The following MAP3K4 variants were observed in gnomAD, a reference collection of about 807,000 sequenced individuals.
MAP3K4 encodes MAP three kinase 1.
Under a neutral mutation model 185.6 loss-of-function variants are expected in MAP3K4, and 67 were observed. That is an observed-to-expected ratio of 0.36 (90% CI 0.30 to 0.44). The LOEUF (loss-of-function observed/expected upper bound fraction) is 0.44. Among genes scored for constraint, MAP3K4 ranks in the 20% least tolerant of loss-of-function variants. The probability of loss-of-function intolerance (pLI) is 1.00; values close to 1 mark genes in which losing one functional copy is unlikely to be tolerated. For missense variants in MAP3K4, 1,551 were observed against 1,995.1 expected, an observed-to-expected ratio of 0.78 and a Z score of 4.24; for synonymous variants, 702 against 710.4, an observed-to-expected ratio of 0.99 and a Z score of 0.19.
At chr6:160,997,093 C>T (rs547377690) in intron 1 of MAP3K4, among the ~76,000 whole-genome samples, 1 of 152,172 alleles carries the variant, frequency 6.6e-6, no homozygotes, top group East Asian at 1.9e-4. Flanking sequence ...TATAACAAAC[C>T]TTGCTTTTCC....
intron 2 of MAP3K4, among the ~76,000 whole-genome samples, chr6:161,038,001 C>T (rs1783258505): frequency 6.6e-6 from 1 of 151,902 alleles, no homozygotes; most frequent in African/African-American, 2.4e-5. Flanking sequence ...TGTTGCCTGT[C>T]TTTCCTTCCT....
In MAP3K4 at chr6:161,107,892, T is replaced by C; in HGVS notation, c.4049-7T>C. On this transcript the variant is annotated splice_region_variant and splice_polypyrimidine_tract_variant and intron_variant, in intron 20 of 26. Transcript: ENST00000392142. The surrounding 1 kb of genome is among the most constrained non-coding windows in gnomAD (Gnocchi z 6.2). The stretch of plus-strand genomic sequence containing the variant: ...CTGGAAGTGCAGCTTGTTTGCATTG[T>C]TCACAGGAGAAGGCCAGTATGGGAA... 6.2e-7 allele frequency: 1 copy of C among 1,613,470 alleles called. No individual in the cohort carries two copies. Among genetic ancestry groups the C allele is most frequent in the East Asian group, 2.2e-5 (1 of 44,864 alleles).
chr6:161,098,478 T>A lies in MAP3K4; in HGVS notation c.3674+51T>A. ...TACCCTCACCACCCCTTACATGCGC[T>A]TACACAGCAACCATAGTGTTAGGGT... On this transcript the variant is annotated intron_variant, in intron 17 of 26. Transcript: ENST00000392142. This position sits in a 1 kb window ranked among gnomAD's most constrained non-coding sequence, Gnocchi z 4.4. The A allele has an allele frequency of 6.8e-7, 1 of 1,465,180 alleles. No homozygotes were observed. The highest frequency in any genetic ancestry group is 2.4e-5 in the East Asian group (1 of 42,502). 90.8% of individuals were successfully genotyped at this position (1,465,180 alleles called of 1,614,324 possible). A position where few individuals can be genotyped will look rare whatever the true frequency, so the allele number is the denominator to read the frequency against.
At position 161,003,209 on chromosome 6, in the gene MAP3K4, G is replaced by A. The variant is rs558082689; in HGVS notation, c.152+11126G>A. 4.7e-4 allele frequency among the ~76,000 whole-genome samples: 72 copies of A among 152,216 alleles called. 1 individual carries two copies. In the Middle Eastern group the frequency reaches 0.014, roughly 29 times the overall value. On this transcript the variant is annotated intron_variant, in intron 1 of 26. Transcript: ENST00000392142. ...GTGTTGCTATGTTTCTTTCTAGAAA[G>A]GTATTAAGTTATTCATACCAGTGTG... is the stretch of plus-strand genomic sequence containing the variant.
At position 161,007,430 on chromosome 6, in the gene MAP3K4, A is replaced by G. The variant is rs1223276640; in HGVS notation, c.152+15347A>G. On this transcript the variant is annotated intron_variant, in intron 1 of 26. Coordinates refer to ENST00000392142, the MANE Select transcript of MAP3K4 (RefSeq NM_005922.4). The surrounding 1 kb of genome is among the most constrained non-coding windows in gnomAD (Gnocchi z 4.5). ...TATGCAAGGACATGGTGGTCCTTTGAGGTTAGCCATTTCTTGGAACACAGA... is the reference window on the plus strand; with the variant it reads ...TATGCAAGGACATGGTGGTCCTTTGGGGTTAGCCATTTCTTGGAACACAGA... Among the ~76,000 whole-genome samples, 1 of 152,152 alleles carries G rather than the reference A, an allele frequency of 6.6e-6. No individual in the cohort carries two copies. The highest frequency in any genetic ancestry group is 1.5e-5 in the Non-Finnish European group (1 of 68,032).
rs1440442620 is a variant in MAP3K4 at position 160,992,033 on chromosome 6, G to A, written c.102G>A (p.Pro34=). The A allele has an allele frequency of 1.9e-6, 3 of 1,567,178 alleles. No homozygotes were observed. The highest frequency in any genetic ancestry group is 2.4e-5 in the East Asian group (1 of 41,256). The change falls in exon 1 of 27, where the codon CCG becomes CCA. Residue 34 remains proline, a synonymous_variant. Coordinates refer to ENST00000392142, the MANE Select transcript of MAP3K4 (RefSeq NM_005922.4). The part of the protein sequence containing the change: ...EPPPPPPPPP[P]PPEPETESEP... ...CGCCACCGCCGCCGCCGCCACCACC[G>A]CCACCGGAACCCGAGACCGAGTCAG...
intron 15 of MAP3K4, among the ~76,000 whole-genome samples, chr6:161,095,691 T>G (rs1777534961): frequency 6.6e-6 from 1 of 152,242 alleles, no homozygotes; most frequent in African/African-American, 2.4e-5. Flanking sequence ...CCGTCATGAA[T>G]GTACTGTAAT....
Position 161,096,923 on chromosome 6 carries a change from A to G in MAP3K4, c.3428-157A>G. Reference sequence around the variant, plus strand: ...TTTAAAAAGTGACATTTTCCATAATATTTGTATATGTAATATTATTTTTTA... The same window carrying G: ...TTTAAAAAGTGACATTTTCCATAATGTTTGTATATGTAATATTATTTTTTA... On this transcript the variant is annotated intron_variant, in intron 15 of 26. Coordinates refer to ENST00000392142, the MANE Select transcript of MAP3K4 (RefSeq NM_005922.4). The surrounding 1 kb of genome is among the most constrained non-coding windows in gnomAD (Gnocchi z 4.9). 1 of 540,340 alleles carries G rather than the reference A, an allele frequency of 1.9e-6. No homozygotes were observed. The highest frequency in any genetic ancestry group is 3.3e-6 in the Non-Finnish European group (1 of 300,318). 33.5% of individuals were successfully genotyped at this position (540,340 alleles called of 1,614,324 possible).
At chr6:161,003,628 T>C (rs1781435503) in intron 1 of MAP3K4, among the ~76,000 whole-genome samples, 1 of 152,166 alleles carries the variant, frequency 6.6e-6, no homozygotes. Context: ...GGCCTGTAGC[T>C]GATTGTAAGT....
At position 161,043,254 on chromosome 6, in the gene MAP3K4, G is replaced by A. The variant is rs1783569216; in HGVS notation, c.344-5362G>A. Among the ~76,000 whole-genome samples the A allele has an allele frequency of 6.6e-6, 1 of 152,114 alleles. No individual in the cohort carries two copies. Among genetic ancestry groups the A allele is most frequent in the Admixed American group, 6.5e-5 (1 of 15,274 alleles). On this transcript the variant is annotated intron_variant, in intron 2 of 26. Coordinates refer to ENST00000392142, the MANE Select transcript of MAP3K4 (RefSeq NM_005922.4). This position sits in a 1 kb window ranked among gnomAD's most constrained non-coding sequence, Gnocchi z 4.3. ...CTTCCATATACAGGCTCAGTGTTCAGCCACACTCTTTTCTTTGCTGCCCTT... is the reference window on the plus strand; with the variant it reads ...CTTCCATATACAGGCTCAGTGTTCAACCACACTCTTTTCTTTGCTGCCCTT...
chr6:161,088,220 T>A lies in MAP3K4; in HGVS notation c.2823+266T>A, dbSNP rs1785839561. ...TTCTTAGTTCAGTCATGTAGTTAGA[T>A]CTGTGGAGCTATGATCTAAAAGGAG... On this transcript the variant is annotated intron_variant, in intron 10 of 26. Transcript: ENST00000392142. The surrounding 1 kb of genome is among the most constrained non-coding windows in gnomAD (Gnocchi z 4.5). Among the ~76,000 whole-genome samples the A allele has an allele frequency of 6.6e-6, 1 of 152,198 alleles. No homozygotes were observed. The highest frequency in any genetic ancestry group is 6.5e-5 in the Admixed American group (1 of 15,282).
intron 1 of MAP3K4, among the ~76,000 whole-genome samples, chr6:160,998,211 C>T (rs891333496): frequency 6.6e-6 from 1 of 152,042 alleles, no homozygotes; most frequent in African/African-American, 2.4e-5. Context: ...CTATTTTTCT[C>T]CTGATTTGAT....
chr6:161,023,685 A>G (rs892166323), intron 1 of MAP3K4, among the ~76,000 whole-genome samples: 3 of 152,372 alleles, frequency 2.0e-5, no homozygotes, highest in Admixed American at 2.0e-4. Flanking sequence ...TTTAACAGGA[A>G]GGTCAAAAAT....
chr6:161,079,962 C>G (rs1785369105), intron 5 of MAP3K4, among the ~76,000 whole-genome samples: 2 of 152,128 alleles, frequency 1.3e-5, no homozygotes, highest in African/African-American at 4.8e-5. Context: ...AACACTGAAA[C>G]CTAGGATAGA....
chr6:160,997,271 A>C (rs1445857219), intron 1 of MAP3K4, among the ~76,000 whole-genome samples: 1 of 152,058 alleles, frequency 6.6e-6, no homozygotes, highest in Non-Finnish European at 1.5e-5. Context: ...ACCCCTCGCC[A>C]AGAATCCTTT....
intron 3 of MAP3K4, among the ~76,000 whole-genome samples, chr6:161,058,696 A>G (rs1784353910): frequency 6.6e-6 from 1 of 152,150 alleles, no homozygotes; most frequent in South Asian, 2.1e-4. Flanking sequence ...AATGCTATAC[A>G]TAATCCTACT....
chr6:161,019,941 G>T (rs1221821025), intron 1 of MAP3K4, among the ~76,000 whole-genome samples: 1 of 152,160 alleles, frequency 6.6e-6, no homozygotes, highest in African/African-American at 2.4e-5. Context: ...TGTCATAAAA[G>T]GTGGAAAATT....
intron 1 of MAP3K4, among the ~76,000 whole-genome samples, chr6:161,018,279 G>A (rs958313961): frequency 2.6e-5 from 4 of 152,178 alleles, no homozygotes; most frequent in African/African-American, 9.7e-5. Context: ...TTCTTGAGTC[G>A]TTGATGAGTA....
Position 161,096,507 on chromosome 6 carries a change from A to G in MAP3K4, c.3428-573A>G, listed in dbSNP as rs1777579417. ...GGTAAGATCTCTAATTTTAAATTTT[A>G]TCTAGTTTTAAATTTTTATTTTAAA... On this transcript the variant is annotated intron_variant, in intron 15 of 26. Transcript: ENST00000392142. This position sits in a 1 kb window ranked among gnomAD's most constrained non-coding sequence, Gnocchi z 4.9. 6.6e-6 allele frequency among the ~76,000 whole-genome samples: 1 copy of G among 152,172 alleles called. No homozygotes were observed. Among genetic ancestry groups the G allele is most frequent in the Non-Finnish European group, 1.5e-5 (1 of 68,014 alleles).
Sources: allele counts gnomAD v4.1 joint callset (sites outside exome capture counted in the v4.1 genomes callset), GRCh38; gene constraint gnomAD v4.1.1; non-coding constraint Gnocchi (gnomAD v3.1); transcripts MANE v1.5; gene names NCBI Gene and HGNC (gene_info 2026-07-23, HGNC 2026-07-21).